The following LRRK1 variants were observed in gnomAD, a reference collection of about 807,000 sequenced individuals.
LRRK1 encodes leucine rich repeat kinase 1.
Under a neutral mutation model 209.1 loss-of-function variants are expected in LRRK1, and 113 were observed. The observed-to-expected ratio is 0.54, with a 90% confidence interval of 0.46 to 0.63. The LOEUF (loss-of-function observed/expected upper bound fraction) is 0.63. LRRK1 is among the 30% of genes least tolerant of loss of function. The pLI is 0.00. For missense variants in LRRK1, 2,284 were observed against 2,632.2 expected (o/e 0.87, Z 2.89); for synonymous variants, 1,144 against 1,099.7 (o/e 1.04, Z -0.80).
chr15:101,060,199 T>A (rs750936173), intron 29 of LRRK1, among the ~76,000 whole-genome samples: 2 of 152,138 alleles, frequency 1.3e-5, no homozygotes, highest in African/African-American at 4.8e-5. Flanking sequence ...ACTTGAGATC[T>A]GTCTGAGAAT....
Position 101,027,846 on chromosome 15 carries a change from G to A in LRRK1, c.2686+49G>A, listed in dbSNP as rs1209895788. On this transcript the variant is annotated intron_variant, in intron 19 of 33. Coordinates refer to ENST00000388948, the MANE Select transcript of LRRK1 (RefSeq NM_024652.6). The surrounding 1 kb of genome is among the most constrained non-coding windows in gnomAD (Gnocchi z 5.1). ...CAGGGTGCCCGTGAGAAATGGAACT[G>A]TCTGTACTTGCTAACTTCAGCTTGG... 2 of 1,487,704 alleles carry A rather than the reference G, an allele frequency of 1.3e-6. No individual in the cohort carries two copies. Among genetic ancestry groups the A allele is most frequent in the African/African-American group, 1.4e-5 (1 of 71,826 alleles). The allele number at this position is 1,487,704 out of a possible 1,614,324, so 92.2% of individuals were successfully genotyped here. A position where few individuals can be genotyped will look rare whatever the true frequency, so the allele number is the denominator to read the frequency against.
rs562500192 is a variant in LRRK1 at position 100,939,864 on chromosome 15, G to A, written c.97+15135G>A. ...CAATTCCCTAGCACCTTTTGAAGGCGGCCAATGAAGGTGGGGTTTTTTTTC... is the reference window on the plus strand; with the variant it reads ...CAATTCCCTAGCACCTTTTGAAGGCAGCCAATGAAGGTGGGGTTTTTTTTC... On this transcript the variant is annotated intron_variant, in intron 2 of 33. Coordinates refer to ENST00000388948, the MANE Select transcript of LRRK1 (RefSeq NM_024652.6). Among the ~76,000 whole-genome samples the A allele has an allele frequency of 4.6e-5, 7 of 152,202 alleles. No homozygotes were observed. The South Asian group carries it at 1.0e-3, about 23-fold the overall frequency.
At chr15:100,926,209 G>C (rs762532785) in intron 2 of LRRK1, among the ~76,000 whole-genome samples, 1 of 152,176 alleles carries the variant, frequency 6.6e-6, no homozygotes, top group Admixed American at 6.5e-5. Context: ...TGTATTAGAC[G>C]TGTGTCTTTT....
At chr15:101,019,292 G>C (rs1489827986) in intron 12 of LRRK1, among the ~76,000 whole-genome samples, 1 of 152,160 alleles carries the variant, frequency 6.6e-6, no homozygotes, top group Non-Finnish European at 1.5e-5. Context: ...GTTCTCTGGG[G>C]AGAAAGTAAG....
intron 20 of LRRK1, among the ~76,000 whole-genome samples, chr15:101,034,131 T>A (rs1035174199): frequency 1.3e-5 from 2 of 152,312 alleles, no homozygotes; most frequent in Non-Finnish European, 1.5e-5. Context: ...TTGAGTTGTT[T>A]GAATTTCTTG....
At position 101,008,906 on chromosome 15, in the gene LRRK1, T is replaced by C. The variant is rs1164314445; in HGVS notation, c.832T>C (p.Cys278Arg). 1 of 1,614,216 alleles carries C rather than the reference T, an allele frequency of 6.2e-7. No homozygotes were observed. Among genetic ancestry groups the C allele is most frequent in the Admixed American group, 1.7e-5 (1 of 60,024 alleles). Residue 278 changes from cysteine to arginine, a missense_variant, in exon 7 of 34, where the codon TGC becomes CGC. Cys to Arg is a radical substitution (Grantham distance 180). This residue lies in a region of LRRK1 where 494 missense variants were observed against 522.1 expected (regional missense o/e 0.95). Transcript: ENST00000388948. ...CCTAGACTGGCTCATAGACATCTCC[T>C]GCCAGATCACGGAGCTCGACCTTTC... ...VDLDWLIDISCQITELDLSAN... is the reference protein window; with the variant it reads ...VDLDWLIDISRQITELDLSAN...
intron 2 of LRRK1, among the ~76,000 whole-genome samples, chr15:100,939,028 C>T (rs28539864): frequency 1.3e-5 from 2 of 151,996 alleles, no homozygotes; most frequent in Non-Finnish European, 2.9e-5. Flanking sequence ...AGGAGATGGA[C>T]GTTACAGTGA....
chr15:100,995,739 G>C (rs1473489150), intron 6 of LRRK1, among the ~76,000 whole-genome samples: 1 of 152,238 alleles, frequency 6.6e-6, no homozygotes, highest in African/African-American at 2.4e-5. Flanking sequence ...CTGTTCAGCA[G>C]TTAGAGGGCC....
intron 21 of LRRK1, among the ~76,000 whole-genome samples, chr15:101,047,544 A>C (rs2035152202): frequency 6.6e-6 from 1 of 152,256 alleles, no homozygotes; most frequent in South Asian, 2.1e-4. Context: ...GAAGTTAGGA[A>C]AGAAGTCCTA....
intron 12 of LRRK1, among the ~76,000 whole-genome samples, chr15:101,016,109 C>T (rs554689201): frequency 6.6e-6 from 1 of 152,130 alleles, no homozygotes; most frequent in East Asian, 1.9e-4. Flanking sequence ...CCTTCTTCAG[C>T]CTCCCAAGTA....
chr15:100,954,261 C>A (rs2042711558), intron 2 of LRRK1, among the ~76,000 whole-genome samples: 1 of 152,154 alleles, frequency 6.6e-6, no homozygotes, highest in African/African-American at 2.4e-5. Context: ...GACGTGCCGA[C>A]AACCTTTTCC....
At chr15:101,051,652 CG>C (rs10710683) in intron 23 of LRRK1, 58 bp from the exon 24 acceptor site, 1,570,420 of 1,576,890 alleles carry the variant, frequency 1, 782,205 homozygotes, top group East Asian at 1. Flanking sequence ...GAGTGCTGCT[CG>C]GGGGGCCCTC....
chr15:100,929,012 A>G (rs2042162636), intron 2 of LRRK1, among the ~76,000 whole-genome samples: 5 of 152,240 alleles, frequency 3.3e-5, no homozygotes, highest in Admixed American at 3.3e-4. Flanking sequence ...GCCAGCTGAC[A>G]GAGCAGCTGT....
At chr15:100,986,175 C>T (rs2031857032) in intron 4 of LRRK1, among the ~76,000 whole-genome samples, 1 of 152,146 alleles carries the variant, frequency 6.6e-6, no homozygotes, top group African/African-American at 2.4e-5. Context: ...TACTGCACTC[C>T]AGGCTGAGAT....
chr15:101,060,559 T>A (rs920421635), intron 29 of LRRK1, among the ~76,000 whole-genome samples: 1 of 152,234 alleles, frequency 6.6e-6, no homozygotes, highest in Admixed American at 6.5e-5. Flanking sequence ...TAACATATTC[T>A]CTTGAGTCTG....
intron 33 of LRRK1, among the ~76,000 whole-genome samples, chr15:101,067,968 G>A (rs1413417007): frequency 1.3e-5 from 2 of 152,168 alleles, no homozygotes; most frequent in South Asian, 2.1e-4. Context: ...GCAAGGCCAC[G>A]CGGAGTGAGA....
Position 101,022,041 on chromosome 15 carries a change from CAGTT to C in LRRK1, c.1852+85_1852+88del. The C allele has an allele frequency of 1.0e-6, 1 of 961,628 alleles. No individual in the cohort carries two copies. The highest frequency in any genetic ancestry group is 1.6e-6 in the Non-Finnish European group (1 of 629,516). 59.6% of individuals were successfully genotyped at this position (961,628 alleles called of 1,614,324 possible). A position where few individuals can be genotyped will look rare whatever the true frequency, so the allele number is the denominator to read the frequency against. Reference sequence around the variant, plus strand: ...ACTTGTTAAGTTCTGGGGGTGGAGACAGTTGGTGACCCATGGAGCCCAGCTCCAG... The same window carrying C: ...ACTTGTTAAGTTCTGGGGGTGGAGACGGTGACCCATGGAGCCCAGCTCCAG... On this transcript the variant is annotated intron_variant, in intron 14 of 33. Transcript: ENST00000388948. The surrounding 1 kb of genome is among the most constrained non-coding windows in gnomAD (Gnocchi z 4.0).
intron 2 of LRRK1, among the ~76,000 whole-genome samples, chr15:100,953,533 T>TATATATATAC (rs1491326765): frequency 2.2e-5 from 3 of 135,844 alleles, no homozygotes; most frequent in African/African-American, 7.8e-5. Flanking sequence ...TATATATATA[T>TATATATATAC]ACACACATAT....
rs3031656 is a variant in LRRK1, at chr15:100,960,277, C to CTTTTT, written c.98-13515_98-13511dup. On this transcript the variant is annotated intron_variant, in intron 2 of 33. Coordinates refer to ENST00000388948, the MANE Select transcript of LRRK1 (RefSeq NM_024652.6). The stretch of plus-strand genomic sequence containing the variant: ...GCAATCAGCATCTACGTTCATATTG[C>CTTTTT]TTTTTTTTTTTTTTTTGCATAGTGC... Among the ~76,000 whole-genome samples, 598 of 116,706 alleles carry CTTTTT rather than the reference C, an allele frequency of 5.1e-3. 25 individuals carry two copies. The highest frequency in any genetic ancestry group is 0.019 in the African/African-American group (574 of 29,860). The allele number at this position is 116,706 out of a possible 152,430, so 76.6% of individuals were successfully genotyped here.
Sources: allele counts gnomAD v4.1 joint callset (sites outside exome capture counted in the v4.1 genomes callset), GRCh38; gene constraint gnomAD v4.1.1; regional missense constraint gnomAD v4.1.1; non-coding constraint Gnocchi (gnomAD v3.1); transcripts MANE v1.5; gene names NCBI Gene and HGNC (gene_info 2026-07-23, HGNC 2026-07-21).